The following SLC8A1 variants were observed in gnomAD, a reference collection of about 807,000 sequenced individuals.
The protein encoded by SLC8A1 is sodium/calcium exchanger 1.
SLC8A1 carries 18 observed loss-of-function variants against 68.3 expected under a neutral mutation model. The ratio of observed to expected loss-of-function variants is 0.26; its 90% CI spans 0.18 to 0.39. SLC8A1 has a LOEUF of 0.39. Ranked by LOEUF, SLC8A1 falls within the 10% of genes least tolerant of loss-of-function variation. The pLI is 1.00. For missense variants in SLC8A1, 985 were observed against 1,156.7 expected (o/e 0.85, Z 2.15); for synonymous variants, 475 against 415.5 (o/e 1.14, Z -1.74).
chr2:40,379,764 A>G (rs1447768204), intron 2 of SLC8A1, among the ~76,000 whole-genome samples: 1 of 151,776 alleles, frequency 6.6e-6, no homozygotes, highest in Non-Finnish European at 1.5e-5. Flanking sequence ...ATTTTCCCAG[A>G]GCCACATTTT....
chr2:40,365,995 G>GAAA (rs112314058), intron 2 of SLC8A1, among the ~76,000 whole-genome samples: 40 of 149,022 alleles, frequency 2.7e-4, no homozygotes, highest in Admixed American at 4.0e-4. Flanking sequence ...GACCCTGTCT[G>GAAA]AAAAAAAAAA....
intron 2 of SLC8A1, among the ~76,000 whole-genome samples, chr2:40,244,263 A>T (rs1456602612): frequency 6.6e-6 from 1 of 152,158 alleles, no homozygotes; most frequent in African/African-American, 2.4e-5. Context: ...GTCAGTGCAC[A>T]TGAAGAGACC....
intron 6 of SLC8A1, among the ~76,000 whole-genome samples, chr2:40,153,763 C>T (rs1253541210): frequency 6.6e-6 from 1 of 152,138 alleles, no homozygotes; most frequent in Non-Finnish European, 1.5e-5. Flanking sequence ...ATTCCTACAC[C>T]ACAAAAACAT....
intron 2 of SLC8A1, among the ~76,000 whole-genome samples, chr2:40,182,814 A>C (rs935811153): frequency 6.6e-6 from 1 of 152,234 alleles, no homozygotes; most frequent in Non-Finnish European, 1.5e-5. Flanking sequence ...AAGTGGTACC[A>C]CAGTCTCTTT....
At chr2:40,208,977 T>C (rs2056041003) in intron 2 of SLC8A1, 2 of 152,100 alleles carry the variant, frequency 1.3e-5, no homozygotes, top group Admixed American at 1.3e-4. Flanking sequence ...AATTCAGTAA[T>C]TATTTACAAA....
exon 8 of SLC8A1, chr2:40,103,069 A>C (rs2033990574): frequency 6.6e-6 from 1 of 152,170 alleles, no homozygotes; most frequent in African/African-American, 2.4e-5. Context: ...TGACAAATTT[A>C]GCTTTGTGCC....
chr2:40,236,630 T>C (rs1161747410), intron 2 of SLC8A1, among the ~76,000 whole-genome samples: 1 of 151,958 alleles, frequency 6.6e-6, no homozygotes, highest in Non-Finnish European at 1.5e-5. Flanking sequence ...TGTGTGAATT[T>C]GATCCTGTCA....
At chr2:40,118,607 G>GTGT (rs2036049279) in intron 7 of SLC8A1, 3 of 74,712 alleles carry the variant, frequency 4.0e-5, no homozygotes, top group African/African-American at 1.1e-4. Flanking sequence ...AAAAAAGGAA[G>GTGT]TTTTTTTTTT....
intron 2 of SLC8A1, among the ~76,000 whole-genome samples, chr2:40,374,720 ACAGGCTGTAT>A (rs1679244387): frequency 6.6e-6 from 1 of 151,986 alleles, no homozygotes. Flanking sequence ...TGATACACAC[ACAGGCTGTAT>A]CAGCCTGGCC....
At chr2:40,214,426 G>C (rs2057123216) in intron 2 of SLC8A1, among the ~76,000 whole-genome samples, 1 of 149,850 alleles carries the variant, frequency 6.7e-6, no homozygotes, top group African/African-American at 2.5e-5. Flanking sequence ...TCATTTCTTT[G>C]TACACTATCT....
intron 1 of SLC8A1, among the ~76,000 whole-genome samples, chr2:40,477,484 A>C (rs377145067): frequency 1.3e-5 from 2 of 152,124 alleles, no homozygotes; most frequent in Non-Finnish European, 2.9e-5. Flanking sequence ...TCACTTAAAC[A>C]ATGTCTTAGA....
At chr2:40,363,858 T>C (rs1675278981) in intron 2 of SLC8A1, among the ~76,000 whole-genome samples, 1 of 152,082 alleles carries the variant, frequency 6.6e-6, no homozygotes, top group Non-Finnish European at 1.5e-5. Flanking sequence ...AGTCACATTA[T>C]TTGCTTGTTG....
At position 40,218,495 on chromosome 2, in the gene SLC8A1, C is replaced by G. The variant is rs111876241; in HGVS notation, c.1809-40640G>C. 4.0e-3 allele frequency among the ~76,000 whole-genome samples: 602 copies of G among 152,054 alleles called. 2 individuals are homozygous for G. The highest frequency in any genetic ancestry group is 9.3e-3 in the South Asian group (45 of 4,814). ...TTACAATTACTTTTTAACATTTTGC[C>G]GCTACTTTTACTATTTTGCCATTAC... On this transcript the variant is annotated intron_variant, in intron 2 of 7. Coordinates refer to ENST00000406785, the Ensembl canonical transcript of SLC8A1.
chr2:40,406,541 C>G (rs1690403116), intron 2 of SLC8A1, among the ~76,000 whole-genome samples: 1 of 152,110 alleles, frequency 6.6e-6, no homozygotes, highest in Admixed American at 6.6e-5. Context: ...GGAAAATGGG[C>G]CATCACACGA....
upstream of SLC8A1, among the ~76,000 whole-genome samples, chr2:40,454,038 A>G (rs527754890): frequency 6.6e-6 from 1 of 152,218 alleles, no homozygotes; most frequent in Non-Finnish European, 1.5e-5. Flanking sequence ...TAGTGGATAT[A>G]AACAGAATGA....
intron 2 of SLC8A1, among the ~76,000 whole-genome samples, chr2:40,324,511 A>G (rs1192405491): frequency 6.6e-6 from 1 of 152,152 alleles, no homozygotes. Context: ...ATCACTACGA[A>G]GGGAAATGTC....
At position 40,462,001 on chromosome 2, in the gene SLC8A1, C is replaced by CTTTTTTTTTTTTTTTTTTTTTTTTTTTT. The variant is rs370223854; in HGVS notation, c.-24-31698_-24-31697insAAAAAAAAAAAAAAAAAAAAAAAAAAAA. ...CCTCTCATTTTAAAGTAAAATCCTC[C>CTTTTTTTTTTTTTTTTTTTTTTTTTTTT]TTTTTTTTTTTTTTTTTTTTTTTGA... On this transcript the variant is annotated intron_variant, in intron 1 of 7. Coordinates refer to the SLC8A1 transcript ENST00000402441. Among the ~76,000 whole-genome samples, 189 of 66,148 alleles carry CTTTTTTTTTTTTTTTTTTTTTTTTTTTT rather than the reference C, an allele frequency of 2.9e-3. 23 individuals are homozygous for CTTTTTTTTTTTTTTTTTTTTTTTTTTTT. The highest frequency in any genetic ancestry group is 3.4e-3 in the Non-Finnish European group (118 of 34,980). 43.4% of individuals were successfully genotyped at this position (66,148 alleles called of 152,430 possible). A position where few individuals can be genotyped will look rare whatever the true frequency, so the allele number is the denominator to read the frequency against.
intron 1 of SLC8A1, among the ~76,000 whole-genome samples, chr2:40,498,635 C>T (rs1420521410): frequency 6.6e-6 from 1 of 152,082 alleles, no homozygotes; most frequent in East Asian, 1.9e-4. Flanking sequence ...TTCCTAACAA[C>T]TGTGCTCAAA....
intron 2 of SLC8A1, among the ~76,000 whole-genome samples, chr2:40,351,170 A>G (rs1670954914): frequency 6.6e-6 from 1 of 152,198 alleles, no homozygotes; most frequent in Admixed American, 6.5e-5. Context: ...TCAGTTATTT[A>G]TATTAAGAAC....
Sources: gnomAD v4.1 joint callset for allele counts (sites outside exome capture counted in the v4.1 genomes callset) on GRCh38, gnomAD v4.1.1 for gene constraint, MANE v1.5 for transcripts, NCBI Gene and HGNC (gene_info 2026-07-23, HGNC 2026-07-21) for gene names.